The following AKAP9 variants were observed in gnomAD, a reference collection of about 807,000 sequenced individuals.
The protein encoded by AKAP9 is A-kinase anchoring protein 9.
In AKAP9, 311 loss-of-function variants were observed where a neutral mutation model predicts 488.5. The observed-to-expected ratio is 0.64, with a 90% CI of 0.58 to 0.70. AKAP9 has a LOEUF of 0.70. AKAP9 is among the 30% of genes least tolerant of loss of function. AKAP9 has a pLI of 0.00. For missense variants in AKAP9, 4,215 were observed against 4,374.5 expected (o/e 0.96, Z 1.03); for synonymous variants, 1,462 against 1,483.5 (o/e 0.99, Z 0.33).
intron 2 of AKAP9, among the ~76,000 whole-genome samples, chr7:91,974,546 C>T (rs1795432367): frequency 6.6e-6 from 1 of 152,292 alleles, no homozygotes; most frequent in African/African-American, 2.4e-5. Context: ...AAGTGTGAGT[C>T]TTCCAACTTT....
intron 1 of AKAP9, among the ~76,000 whole-genome samples, chr7:91,943,443 G>A (rs1791049773): frequency 1.3e-5 from 2 of 152,264 alleles, no homozygotes; most frequent in South Asian, 4.1e-4. Context: ...ATTTTATTCA[G>A]CAAACGTATA....
intron 2 of AKAP9, among the ~76,000 whole-genome samples, chr7:91,977,945 T>A (rs1795908915): frequency 6.6e-6 from 1 of 152,002 alleles, no homozygotes; most frequent in Admixed American, 6.6e-5. Context: ...TATTTCAGAT[T>A]TAAAAGATAA....
chr7:92,071,572 G>A (rs186972492), intron 28 of AKAP9, among the ~76,000 whole-genome samples: 1 of 152,164 alleles, frequency 6.6e-6, no homozygotes, highest in Non-Finnish European at 1.5e-5. Flanking sequence ...TCTACTTTCA[G>A]AACAATGGTC....
intron 42 of AKAP9, 141 bp from the exon 43 acceptor site, chr7:92,097,968 C>A: frequency 1.2e-6 from 1 of 854,420 alleles, no homozygotes; most frequent in Non-Finnish European, 1.9e-6. Flanking sequence ...AACTATCTAA[C>A]ACTTTGACCC....
chr7:91,947,377 C>T (rs991050491), intron 1 of AKAP9, among the ~76,000 whole-genome samples: 13 of 151,950 alleles, frequency 8.6e-5, no homozygotes, highest in African/African-American at 3.1e-4. Context: ...GAGTCTCACT[C>T]TGTCACCCAG....
At position 91,995,707 on chromosome 7, in the gene AKAP9, A is replaced by T. The variant is rs1425112092; in HGVS notation, c.837A>T (p.Glu279Asp). The T allele has an allele frequency of 6.2e-7, 1 of 1,614,022 alleles. No individual in the cohort carries two copies. Among genetic ancestry groups the T allele is most frequent in the Admixed American group, 1.7e-5 (1 of 60,018 alleles). Residue 279 changes from glutamate to aspartate, a missense_variant, in exon 7 of 50, where the codon GAA becomes GAT. Physicochemically the swap from Glu to Asp is conservative, Grantham distance 45. This residue lies in a region of AKAP9 where 2,361 missense variants were observed against 2,430.0 expected (regional missense o/e 0.97). Coordinates refer to ENST00000356239, the MANE Select transcript of AKAP9 (RefSeq NM_005751.5). ...TCACTCATCAACAGCAGCTTGAAGAACAAGACCACTTATTAGAAGATTATC... is the reference window on the plus strand; with the variant it reads ...TCACTCATCAACAGCAGCTTGAAGATCAAGACCACTTATTAGAAGATTATC... ...QILTHQQQLEEQDHLLEDYQK... is the reference protein window; with the variant it reads ...QILTHQQQLEDQDHLLEDYQK...
In AKAP9 at chr7:92,083,665, T is replaced by C; in HGVS notation, c.8646+10T>C. ...TCTGAGAAGTAAAGAGGTATTTGGT[T>C]TTTATAATATGTGTTTTTCAACATT... On this transcript the variant is annotated intron_variant, in intron 33 of 49. Transcript: ENST00000356239. 6.2e-7 allele frequency: 1 copy of C among 1,609,860 alleles called. No individual in the cohort carries two copies. Among genetic ancestry groups the C allele is most frequent in the South Asian group, 1.1e-5 (1 of 89,898 alleles).
chr7:91,976,199 G>A (rs867646624), intron 2 of AKAP9, among the ~76,000 whole-genome samples: 10 of 150,664 alleles, frequency 6.6e-5, no homozygotes, highest in African/African-American at 2.0e-4. Flanking sequence ...CTGGGACTAC[G>A]GGCATTAGCC....
Position 92,001,027 on chromosome 7 carries a change from C to T in AKAP9, c.1110C>T (p.Asn370=). Residue 370 remains asparagine, a synonymous_variant, in exon 8 of 50, where the codon AAC becomes AAT. Coordinates refer to ENST00000356239, the MANE Select transcript of AKAP9 (RefSeq NM_005751.5). ...GELQEQIVQK[N]QEIKNMKLEL... Reference sequence around the variant, plus strand: ...TACAAGAACAGATTGTGCAAAAGAACCAAGAAATAAAAAACATGAAATTAG... The same window carrying T: ...TACAAGAACAGATTGTGCAAAAGAATCAAGAAATAAAAAACATGAAATTAG... 6.3e-7 allele frequency: 1 copy of T among 1,578,334 alleles called. No homozygotes were observed. The highest frequency in any genetic ancestry group is 8.6e-7 in the Non-Finnish European group (1 of 1,163,446).
At chr7:91,985,971 G>C (rs1456825275) in intron 3 of AKAP9, among the ~76,000 whole-genome samples, 3 of 152,074 alleles carry the variant, frequency 2.0e-5, no homozygotes, top group Admixed American at 6.6e-5. Context: ...CTATTTATTG[G>C]AATAGTTTCA....
At chr7:92,016,031 C>T in intron 10 of AKAP9, 98 bp from the exon 11 acceptor site, 1 of 967,716 alleles carries the variant, frequency 1.0e-6, no homozygotes, top group South Asian at 1.4e-5. Flanking sequence ...TTTTGTGTGC[C>T]ATTTTGACCG....
At chr7:91,964,645 A>G (rs758775864) in intron 1 of AKAP9, among the ~76,000 whole-genome samples, 2 of 152,178 alleles carry the variant, frequency 1.3e-5, no homozygotes, top group African/African-American at 2.4e-5. Flanking sequence ...ATTGTAAGAA[A>G]GTTATTATGT....
chr7:91,951,461 G>A (rs1792240353), intron 1 of AKAP9, among the ~76,000 whole-genome samples: 1 of 151,884 alleles, frequency 6.6e-6, no homozygotes, highest in African/African-American at 2.4e-5. Context: ...AGTAGCTGGG[G>A]CTGCGGGGGC....
chr7:91,983,726 A>G (rs1044058333), intron 3 of AKAP9, among the ~76,000 whole-genome samples: 5 of 152,182 alleles, frequency 3.3e-5, no homozygotes, highest in African/African-American at 7.2e-5. Flanking sequence ...GTCTTCCACA[A>G]TGGTTGAACT....
Position 92,000,886 on chromosome 7 carries a change from A to C in AKAP9, c.969A>C (p.Glu323Asp). Residue 323 changes from glutamate (E) to aspartate (D), a missense_variant, in exon 8 of 50, where the codon GAA (glutamate) becomes GAC (aspartate). Physicochemically the swap from Glu to Asp is conservative, Grantham distance 45 (BLOSUM62 2). This residue lies in a region of AKAP9 where 2,361 missense variants were observed against 2,430.0 expected (regional missense o/e 0.97). Coordinates refer to ENST00000356239, the MANE Select transcript of AKAP9 (RefSeq NM_005751.5). ...AAGTAGAAAACTCAAATAAAGAAGAAATACAGGAAAAGGAGACAATCATTG... is the reference window on the plus strand; with the variant it reads ...AAGTAGAAAACTCAAATAAAGAAGACATACAGGAAAAGGAGACAATCATTG... ...DKKVENSNKE[E>D]IQEKETIIEE... is the part of the protein sequence containing the mutation. 1 of 1,423,090 alleles carries C rather than the reference A, an allele frequency of 7.0e-7. No individual in the cohort carries two copies. The highest frequency in any genetic ancestry group is 9.4e-7 in the Non-Finnish European group (1 of 1,059,382). The allele number at this position is 1,423,090 out of a possible 1,614,324, so 88.2% of individuals were successfully genotyped here.
intron 22 of AKAP9, among the ~76,000 whole-genome samples, chr7:92,059,432 T>G (rs970378200): frequency 2.0e-5 from 3 of 151,854 alleles, no homozygotes; most frequent in African/African-American, 7.2e-5. Context: ...TGTATTTGAT[T>G]GTTCCAACTT....
intron 2 of AKAP9, among the ~76,000 whole-genome samples, chr7:91,974,851 T>A (rs1795466386): frequency 6.6e-6 from 1 of 152,066 alleles, no homozygotes; most frequent in African/African-American, 2.4e-5. Context: ...TATTTTAATT[T>A]TCATTTATTT....
chr7:92,079,488 A>G lies in AKAP9; in HGVS notation c.7355A>G (p.Asn2452Ser), dbSNP rs529780088. 2 of 1,614,014 alleles carry G rather than the reference A, an allele frequency of 1.2e-6. No individual in the cohort carries two copies. The highest frequency in any genetic ancestry group is 1.7e-6 in the Non-Finnish European group (2 of 1,180,008). ...CAAAGCATACCAGAGAATAGTGTTA[A>G]CGTGGCTATAGATCATCTGAGCAAA... ...KIQSIPENSV[N>S]VAIDHLSKDK... Residue 2452 changes from asparagine to serine, a missense_variant, in exon 31 of 50, where the codon AAC becomes AGC. This residue lies in a region of AKAP9 where 1,476 missense variants were observed against 1,477.4 expected (regional missense o/e 1.00). Transcript: ENST00000356239.
intron 29 of AKAP9, 38 bp downstream of exon 29, chr7:92,077,045 C>A: frequency 6.0e-6 from 7 of 1,159,698 alleles, no homozygotes; most frequent in South Asian, 3.1e-5. Flanking sequence ...GTAAATAAGT[C>A]ATAGTTTCAG....
Sources: allele counts gnomAD v4.1 joint callset (sites outside exome capture counted in the v4.1 genomes callset), GRCh38; gene constraint gnomAD v4.1.1; regional missense constraint gnomAD v4.1.1; transcripts MANE v1.5; gene names NCBI Gene and HGNC (gene_info 2026-07-23, HGNC 2026-07-21).